PAPPA2: variants seen among roughly 807,000 people sequenced by gnomAD.
PAPPA2 encodes the protein pappalysin-2.
PAPPA2 carries 86 observed loss-of-function variants against 176.4 expected under a neutral mutation model. That is an observed-to-expected ratio of 0.49 (90% CI 0.41 to 0.58). The LOEUF (loss-of-function observed/expected upper bound fraction) is 0.58, where lower values mean the gene tolerates loss of function less well. PAPPA2 is among the 20% of genes least tolerant of loss of function. The probability of loss-of-function intolerance (pLI) is 0.00; values close to 1 mark genes in which losing one functional copy is unlikely to be tolerated. For missense variants in PAPPA2, 2,073 were observed against 2,256.9 expected (o/e 0.92, Z 1.65); for synonymous variants, 809 against 852.2 (o/e 0.95, Z 0.88).
At chr1:176,626,514 C>T (rs571364568) in intron 3 of PAPPA2, among the ~76,000 whole-genome samples, 12 of 152,292 alleles carry the variant, frequency 7.9e-5, no homozygotes, top group South Asian at 2.1e-4. Flanking sequence ...CCATGCTCCT[C>T]TCTCAGAAAA....
At chr1:176,691,339 G>A in intron 5 of PAPPA2, 1 of 231,972 alleles carries the variant, frequency 4.3e-6, no homozygotes, top group Non-Finnish European at 7.1e-6. Context: ...AGCGTGATGA[G>A]CCGATTCTGT....
At chr1:176,740,957 G>C (rs1041404220) in intron 14 of PAPPA2, among the ~76,000 whole-genome samples, 1 of 152,134 alleles carries the variant, frequency 6.6e-6, no homozygotes, top group East Asian at 1.9e-4. Context: ...AGTGACAAAA[G>C]CTGGGGTTCC....
intron 1 of PAPPA2, among the ~76,000 whole-genome samples, chr1:176,538,756 C>G: frequency 6.6e-6 from 1 of 152,156 alleles, no homozygotes. Flanking sequence ...TAGACAATAT[C>G]CCACAAATTC....
intron 3 of PAPPA2, among the ~76,000 whole-genome samples, chr1:176,599,484 C>T (rs1446913542): frequency 3.4e-5 from 5 of 145,916 alleles, no homozygotes; most frequent in East Asian, 2.0e-4. Context: ...TTCTCTCCTA[C>T]GTTCTCTTTG....
intron 4 of PAPPA2, among the ~76,000 whole-genome samples, chr1:176,671,508 T>C (rs1658996767): frequency 6.6e-6 from 1 of 152,156 alleles, no homozygotes. Context: ...GCTTCTTGTA[T>C]GGTGTGGACT....
intron 12 of PAPPA2, among the ~76,000 whole-genome samples, chr1:176,730,403 G>A (rs1662083789): frequency 6.6e-6 from 1 of 151,354 alleles, no homozygotes; most frequent in Non-Finnish European, 1.5e-5. Context: ...GCTGATATTT[G>A]TTCATAATGT....
At chr1:176,507,656 C>G (rs1648354348) in intron 1 of PAPPA2, among the ~76,000 whole-genome samples, 1 of 152,026 alleles carries the variant, frequency 6.6e-6, no homozygotes, top group Non-Finnish European at 1.5e-5. Flanking sequence ...AGCTGGAGAC[C>G]ATAATCCTAA....
chr1:176,651,628 C>T (rs1657732285), intron 3 of PAPPA2, among the ~76,000 whole-genome samples: 1 of 151,538 alleles, frequency 6.6e-6, no homozygotes, highest in Admixed American at 6.6e-5. Context: ...TGTTCTTTGA[C>T]CTTCCTATAT....
intron 1 of PAPPA2, among the ~76,000 whole-genome samples, chr1:176,499,097 G>A (rs926522): frequency 0.08 from 12,152 of 152,132 alleles, 600 homozygotes; most frequent in South Asian, 0.16. Flanking sequence ...TATGACTGCA[G>A]GAAAAGAACA....
chr1:176,466,313 G>T (rs1431317605), intron 1 of PAPPA2, among the ~76,000 whole-genome samples: 1 of 152,186 alleles, frequency 6.6e-6, no homozygotes, highest in Non-Finnish European at 1.5e-5. Context: ...AGGTTGGACT[G>T]AGTGAGTAAT....
intron 3 of PAPPA2, among the ~76,000 whole-genome samples, chr1:176,667,708 T>A (rs1223986843): frequency 6.6e-6 from 1 of 152,108 alleles, no homozygotes; most frequent in Non-Finnish European, 1.5e-5. Flanking sequence ...TGCACATCCA[T>A]CCTTTATGTC....
intron 21 of PAPPA2, among the ~76,000 whole-genome samples, chr1:176,820,675 A>G (rs1315436753): frequency 1.3e-5 from 2 of 151,816 alleles, no homozygotes; most frequent in South Asian, 2.1e-4. Context: ...TCTGCCTCCT[A>G]CCCTCTTTTC....
At chr1:176,530,002 C>T (rs992118874) in intron 1 of PAPPA2, among the ~76,000 whole-genome samples, 5 of 152,138 alleles carry the variant, frequency 3.3e-5, no homozygotes, top group African/African-American at 1.2e-4. Flanking sequence ...CAGCTAAAAA[C>T]CTCAACAACA....
chr1:176,563,922 C>G (rs1315239920), intron 2 of PAPPA2, among the ~76,000 whole-genome samples: 1 of 152,180 alleles, frequency 6.6e-6, no homozygotes, highest in Admixed American at 6.5e-5. Context: ...AAAGGCCTTG[C>G]AGGAAATTCC....
Position 176,699,239 on chromosome 1 carries a change from A to G in PAPPA2, c.2886A>G (p.Gln962=). The change falls in exon 8 of 23, where the codon CAA becomes CAG. Residue 962 remains glutamine, a synonymous_variant. Transcript: ENST00000367662. ...SLELLFQHPV[Q]ADTLTLWVTS... is the part of the protein sequence containing the mutation. Reference sequence around the variant, plus strand: ...AGCTGCTCTTCCAACACCCGGTCCAAGCCGACACCCTCACCCTGTGGGTCA... The same window carrying G: ...AGCTGCTCTTCCAACACCCGGTCCAGGCCGACACCCTCACCCTGTGGGTCA... 1 of 1,614,134 alleles carries G rather than the reference A, an allele frequency of 6.2e-7. No individual in the cohort carries two copies. Among genetic ancestry groups the G allele is most frequent in the South Asian group, 1.1e-5 (1 of 91,080 alleles).
At chr1:176,674,388 A>G (rs1460213425) in intron 4 of PAPPA2, among the ~76,000 whole-genome samples, 2 of 152,056 alleles carry the variant, frequency 1.3e-5, no homozygotes, top group East Asian at 1.9e-4. Flanking sequence ...GTACCAGTGT[A>G]TAGTCTTTTA....
intron 12 of PAPPA2, among the ~76,000 whole-genome samples, chr1:176,728,589 C>T (rs889033885): frequency 6.6e-5 from 10 of 151,906 alleles, no homozygotes; most frequent in African/African-American, 2.2e-4. Flanking sequence ...GCTGATTCTC[C>T]CTAAATTTTA....
chr1:176,805,943 A>G (rs1665884422), intron 21 of PAPPA2, among the ~76,000 whole-genome samples: 1 of 141,796 alleles, frequency 7.1e-6, no homozygotes, highest in African/African-American at 2.7e-5. Context: ...AACTATGATC[A>G]TGCCACTGTA....
At chr1:176,800,006 A>G in intron 20 of PAPPA2, 55 bp from the exon 21 acceptor site, 1 of 1,592,162 alleles carries the variant, frequency 6.3e-7, no homozygotes, top group East Asian at 2.2e-5. Flanking sequence ...GCCCCTTCTC[A>G]CACACAACAA....
Sources: allele counts gnomAD v4.1 joint callset (sites outside exome capture counted in the v4.1 genomes callset), GRCh38; gene constraint gnomAD v4.1.1; transcripts MANE v1.5; gene names NCBI Gene and HGNC (gene_info 2026-07-23, HGNC 2026-07-21).